NCOA3: variants seen among roughly 807,000 people sequenced by gnomAD.
NCOA3 encodes the protein nuclear receptor coactivator 3.
Under a neutral mutation model 158.8 loss-of-function variants are expected in NCOA3, and 51 were observed. The ratio of observed to expected loss-of-function variants is 0.32; its 90% CI spans 0.26 to 0.41. The LOEUF is 0.41. NCOA3 is among the 10% of genes least tolerant of loss of function. The pLI, the probability that NCOA3 is intolerant of heterozygous loss-of-function variation, is 1.00. For missense variants in NCOA3, 1,510 were observed against 1,746.6 expected, an observed-to-expected ratio of 0.86 and a Z score of 2.41; for synonymous variants, 537 against 592.4, an observed-to-expected ratio of 0.91 and a Z score of 1.36.
At chr20:47,508,354 A>G (rs2097417496) in intron 1 of NCOA3, among the ~76,000 whole-genome samples, 1 of 152,198 alleles carries the variant, frequency 6.6e-6, no homozygotes, top group Admixed American at 6.5e-5. Flanking sequence ...TGAAGGAGGG[A>G]AAATCTGAAA....
Position 47,635,379 on chromosome 20 carries a change from T to G in NCOA3, c.1170T>G (p.Pro390=). 6.2e-7 allele frequency: 1 copy of G among 1,613,936 alleles called. No individual in the cohort carries two copies. The highest frequency in any genetic ancestry group is 8.5e-7 in the Non-Finnish European group (1 of 1,179,788). The change falls in exon 11 of 23, where the codon CCT becomes CCG. Residue 390 remains proline (P), a synonymous_variant. Transcript: ENST00000371998. Reference sequence around the variant, plus strand: ...CTGTTGGACAAGGGATTAGACCACCTATGGCTGGATGCAACAGTTCGGTAG... The same window carrying G: ...CTGTTGGACAAGGGATTAGACCACCGATGGCTGGATGCAACAGTTCGGTAG... ...PNPVGQGIRP[P]MAGCNSSVGG... is the part of the protein sequence containing the mutation.
At chr20:47,524,870 C>T (rs1184234832) in intron 1 of NCOA3, among the ~76,000 whole-genome samples, 1 of 152,208 alleles carries the variant, frequency 6.6e-6, no homozygotes, top group Non-Finnish European at 1.5e-5. Context: ...GCTGGGATTA[C>T]AGGCATGTAC....
At position 47,655,399 on chromosome 20, in the gene NCOA3, A is replaced by G. The variant is rs72646213; in HGVS notation, c.*1982A>G. On this transcript the variant is annotated 3_prime_UTR_variant, in exon 23 of 23. Transcript: ENST00000371998. ...TTTAAGAATTTCACACATTTAGCCA[A>G]TCTTTCTAGATGTCTCTGAAGGTAA... 11 of 152,306 alleles carry G rather than the reference A, an allele frequency of 7.2e-5. No homozygotes were observed. The highest frequency in any genetic ancestry group is 1.9e-4 in the East Asian group (1 of 5,188). 9.4% of individuals were successfully genotyped at this position (152,306 alleles called of 1,614,324 possible).
intron 1 of NCOA3, among the ~76,000 whole-genome samples, chr20:47,508,336 A>G (rs890388753): frequency 6.6e-6 from 1 of 152,204 alleles, no homozygotes; most frequent in African/African-American, 2.4e-5. Context: ...TTTTAAATAG[A>G]TGTTCCATGA....
At chr20:47,530,461 CTTTTTT>C (rs11483053) in intron 1 of NCOA3, among the ~76,000 whole-genome samples, 1 of 129,408 alleles carries the variant, frequency 7.7e-6, no homozygotes, top group Non-Finnish European at 1.6e-5. Flanking sequence ...AATGATTTAA[CTTTTTT>C]TTTTTTTTTT....
At chr20:47,628,341 C>A in intron 8 of NCOA3, 1 of 227,176 alleles carries the variant, frequency 4.4e-6, no homozygotes, top group Non-Finnish European at 8.4e-6. Context: ...ACTTCAAGCC[C>A]ATTTGTCATA....
At chr20:47,609,121 G>A (rs1206424420) in intron 2 of NCOA3, among the ~76,000 whole-genome samples, 1 of 152,148 alleles carries the variant, frequency 6.6e-6, no homozygotes, top group Non-Finnish European at 1.5e-5. Flanking sequence ...AAGACGTTTT[G>A]TAGCATATAA....
At chr20:47,610,792 T>C (rs1030570943) in intron 2 of NCOA3, among the ~76,000 whole-genome samples, 4 of 152,252 alleles carry the variant, frequency 2.6e-5, no homozygotes, top group African/African-American at 9.6e-5. Flanking sequence ...AAAAGTCTTT[T>C]ATTAGCTTTA....
At position 47,647,094 on chromosome 20, in the gene NCOA3, C is replaced by G; in HGVS notation, c.3274C>G (p.Gln1092Glu). Residue 1092 changes from glutamine to glutamate, a missense_variant, in exon 18 of 23, where the codon CAG (glutamine) becomes GAG (glutamate). By Grantham distance (29) the Gln-to-Glu change is conservative. This residue lies in a region of NCOA3 where 1,017 missense variants were observed against 1,098.3 expected (regional missense o/e 0.93). Coordinates refer to ENST00000371998, the MANE Select transcript of NCOA3 (RefSeq NM_181659.3). ...VNQGQALEPK[Q>E]DAFQGQEAAV... ...TAAGGGACAGGCATTAGAGCCCAAA[C>G]AGGATGCTTTCCAAGGCCAAGAAGC... The G allele has an allele frequency of 6.2e-7, 1 of 1,613,992 alleles. No homozygotes were observed. Among genetic ancestry groups the G allele is most frequent in the Non-Finnish European group, 8.5e-7 (1 of 1,179,890 alleles).
intron 1 of NCOA3, among the ~76,000 whole-genome samples, chr20:47,571,002 G>GTA (rs796479651): frequency 1.7e-4 from 24 of 141,912 alleles, no homozygotes; most frequent in Admixed American, 5.5e-4. Context: ...GTGTGTGTGT[G>GTA]TATATACATT....
In NCOA3 at chr20:47,639,690, C is replaced by G. The variant is rs762985734; in HGVS notation, c.2821C>G (p.Pro941Ala). 1 of 1,614,026 alleles carries G rather than the reference C, an allele frequency of 6.2e-7. No homozygotes were observed. Residue 941 changes from proline to alanine, a missense_variant, in exon 15 of 23, where the codon CCA becomes GCA. Pro to Ala is a conservative substitution (Grantham distance 27). Coordinates refer to ENST00000371998, the MANE Select transcript of NCOA3 (RefSeq NM_181659.3). The stretch of plus-strand genomic sequence containing the variant: ...TATGAATTCAAACTCCATGGGAAGA[C>G]CAGGAGGAGATTATAATACTTCTTT... ...EPMNSNSMGR[P>A]GGDYNTSLPR...
chr20:47,522,999 G>GGT (rs1445597576), intron 1 of NCOA3, among the ~76,000 whole-genome samples: 14 of 151,930 alleles, frequency 9.2e-5, no homozygotes, highest in Non-Finnish European at 1.9e-4. Flanking sequence ...GACCATCCTG[G>GGT]CTAACACAGT....
intron 1 of NCOA3, among the ~76,000 whole-genome samples, chr20:47,523,980 T>A (rs541137505): frequency 2.4e-4 from 37 of 152,264 alleles, no homozygotes; most frequent in Non-Finnish European, 3.7e-4. Flanking sequence ...GGTTAACTTC[T>A]GAACTTAAAA....
In NCOA3 at chr20:47,633,996, ATATT is replaced by A. The variant is rs766875150; in HGVS notation, c.965-50_965-47del. On this transcript the variant is annotated intron_variant, in intron 9 of 22. Coordinates refer to ENST00000371998, the MANE Select transcript of NCOA3 (RefSeq NM_181659.3). ...ATTTCCTCCCTGTCCCCTCCTATAT[ATATT>A]TGTTTTGCTGACTGTAGTTACCAGT... is the stretch of plus-strand genomic sequence containing the variant. The A allele has an allele frequency of 8.7e-6, 14 of 1,601,758 alleles. No individual in the cohort carries two copies. The South Asian group carries it at 1.4e-4, about 16-fold the overall frequency.
chr20:47,628,350 TAAAG>T (rs1171154376), intron 8 of NCOA3: 1 of 201,868 alleles, frequency 5.0e-6, no homozygotes, highest in African/African-American at 2.3e-5. Flanking sequence ...CCATTTGTCA[TAAAG>T]AAACATGTTT....
intron 2 of NCOA3, among the ~76,000 whole-genome samples, chr20:47,600,158 TTATATA>T (rs936313008): frequency 7.0e-6 from 1 of 142,888 alleles, no homozygotes; most frequent in African/African-American, 2.8e-5. Context: ...TTTATATATT[TTATATA>T]TATATATTTT....
intron 1 of NCOA3, among the ~76,000 whole-genome samples, chr20:47,503,014 A>C (rs2083966485): frequency 6.6e-6 from 1 of 152,190 alleles, no homozygotes; most frequent in African/African-American, 2.4e-5. Context: ...ATATTTGAGC[A>C]GGGCTTCAAA....
chr20:47,616,050 C>G (rs990455777), intron 2 of NCOA3, among the ~76,000 whole-genome samples: 1 of 151,424 alleles, frequency 6.6e-6, no homozygotes, highest in African/African-American at 2.4e-5. Flanking sequence ...CCCAGCTACT[C>G]AGGAGGCTGA....
At chr20:47,644,531 C>T (rs1201547715) in intron 17 of NCOA3, among the ~76,000 whole-genome samples, 2 of 152,040 alleles carry the variant, frequency 1.3e-5, no homozygotes, top group Non-Finnish European at 2.9e-5. Context: ...AAGTGTTGGA[C>T]GCTTTTATCA....
Sources: gnomAD v4.1 joint callset for allele counts (sites outside exome capture counted in the v4.1 genomes callset) on GRCh38, gnomAD v4.1.1 for gene constraint, gnomAD v4.1.1 regional missense constraint, MANE v1.5 for transcripts, NCBI Gene and HGNC (gene_info 2026-07-23, HGNC 2026-07-21) for gene names.